TENM2: variants seen among roughly 807,000 people sequenced by gnomAD.
TENM2 encodes the protein teneurin transmembrane protein 2.
In TENM2, 52 loss-of-function variants were observed where a neutral mutation model predicts 245.2. The ratio of observed to expected loss-of-function variants is 0.21; its 90% confidence interval spans 0.17 to 0.27. The LOEUF (loss-of-function observed/expected upper bound fraction) is 0.27. TENM2 is among the 10% of genes least tolerant of loss of function. The probability of loss-of-function intolerance (pLI) is 1.00; values close to 1 mark genes in which losing one functional copy is unlikely to be tolerated. For missense variants in TENM2, 3,046 were observed against 3,666.8 expected (o/e 0.83, Z 4.37); for synonymous variants, 1,363 against 1,438.9 (o/e 0.95, Z 1.19).
At chr5:167,331,882 A>T (rs1206340106) in intron 1 of TENM2, among the ~76,000 whole-genome samples, 1 of 152,162 alleles carries the variant, frequency 6.6e-6, no homozygotes, top group African/African-American at 2.4e-5. Flanking sequence ...TCACAATGTA[A>T]AATTGAGGGG....
At chr5:167,009,456 T>C in the TENM2 span, among the ~76,000 whole-genome samples, 1 of 152,244 alleles carries the variant, frequency 6.6e-6, no homozygotes, top group Non-Finnish European at 1.5e-5. Flanking sequence ...CAGGCTTTTG[T>C]GAAATACACC....
intron 9 of TENM2, 118 bp from the exon 12 acceptor site, chr5:168,118,174 C>A (rs1370494023): frequency 2.7e-6 from 2 of 743,766 alleles, no homozygotes; most frequent in African/African-American, 3.5e-5. Flanking sequence ...GCCAGAGTCC[C>A]CAGCCTAGAA....
At chr5:167,380,453 T>C (rs934389462) in intron 2 of TENM2, among the ~76,000 whole-genome samples, 2 of 152,174 alleles carry the variant, frequency 1.3e-5, no homozygotes, top group Non-Finnish European at 2.9e-5. Context: ...ACAGAGTACT[T>C]CAAGGAGCGT....
At position 167,352,490 on chromosome 5, in the gene TENM2, G is replaced by A. The variant is rs115626272; in HGVS notation, c.227-22708G>A. Among the ~76,000 whole-genome samples, 436 of 152,260 alleles carry A rather than the reference G, an allele frequency of 2.9e-3. 3 individuals are homozygous for A. Among genetic ancestry groups the A allele is most frequent in the African/African-American group, 0.01 (417 of 41,540 alleles). On this transcript the variant is annotated intron_variant, in intron 1 of 28. Transcript: ENST00000518659. ...TTTTGCATAGAAAGTTTTGCCACGT[G>A]ATCCTCCCCTTTTTGGAAGACATTT...
chr5:168,248,164 A>C, exon 27 of TENM2: 2 of 1,614,012 alleles, frequency 1.2e-6, no homozygotes, highest in Non-Finnish European at 8.5e-7. Flanking sequence ...CCAGATGGTC[A>C]TTGGCTTCCA....
intron 2 of TENM2, among the ~76,000 whole-genome samples, chr5:167,819,753 G>A (rs1767355434): frequency 6.6e-6 from 1 of 152,170 alleles, no homozygotes; most frequent in Non-Finnish European, 1.5e-5. Context: ...GCAACTTGGA[G>A]AACTGTTCAT....
chr5:167,279,663 T>C, the TENM2 span, among the ~76,000 whole-genome samples: 5 of 152,204 alleles, frequency 3.3e-5, no homozygotes, highest in African/African-American at 1.2e-4. Context: ...GTTAAGTCAA[T>C]CTACCATCTA....
At chr5:167,651,821 G>A (rs1226243520) in intron 2 of TENM2, among the ~76,000 whole-genome samples, 2 of 152,108 alleles carry the variant, frequency 1.3e-5, no homozygotes, top group South Asian at 2.1e-4. Flanking sequence ...TAGCTTCCAA[G>A]TTCTTACCTA....
chr5:167,368,594 G>A (rs1047740941), intron 1 of TENM2, among the ~76,000 whole-genome samples: 16 of 151,988 alleles, frequency 1.1e-4, no homozygotes, highest in African/African-American at 3.4e-4. Context: ...ACCCTGGATC[G>A]TATTTAAATC....
the TENM2 span, among the ~76,000 whole-genome samples, chr5:167,266,132 C>T: frequency 1.3e-5 from 2 of 152,128 alleles, no homozygotes; most frequent in South Asian, 2.1e-4. Flanking sequence ...CTTCTTTCGG[C>T]GTCTCTTTAT....
rs141834333 is a variant in TENM2 at position 167,510,184 on chromosome 5, G to A, written c.502+134711G>A. ...CTGAAATATAAAATGTACTGGCTTG[G>A]TTTGGAATGTGGCTGTATTCATGCA... On this transcript the variant is annotated intron_variant, in intron 2 of 28. Transcript: ENST00000518659. Among the ~76,000 whole-genome samples the A allele has an allele frequency of 8.1e-4, 123 of 152,274 alleles. 1 individual carries two copies. The East Asian group carries it at 0.019, about 24-fold the overall frequency.
the TENM2 span, among the ~76,000 whole-genome samples, chr5:167,191,460 G>A: frequency 1.3e-5 from 2 of 152,076 alleles, no homozygotes; most frequent in Non-Finnish European, 2.9e-5. Context: ...TCAGGGAGCC[G>A]CTAAGATCTC....
At chr5:168,126,315 T>C (rs866981526) in intron 11 of TENM2, among the ~76,000 whole-genome samples, 1 of 152,158 alleles carries the variant, frequency 6.6e-6, no homozygotes, top group Non-Finnish European at 1.5e-5. Context: ...GATCCGTACA[T>C]GGATCTTTTC....
intron 2 of TENM2, among the ~76,000 whole-genome samples, chr5:167,677,461 G>A (rs1756409228): frequency 6.6e-6 from 1 of 150,810 alleles, no homozygotes; most frequent in Non-Finnish European, 1.5e-5. Context: ...TCTCTTGGTT[G>A]GTAGGCAAAT....
intron 3 of TENM2, among the ~76,000 whole-genome samples, chr5:167,915,253 A>C (rs993848404): frequency 6.6e-6 from 1 of 152,156 alleles, no homozygotes; most frequent in Admixed American, 6.5e-5. Context: ...CAAATGACAC[A>C]TGCAGCACAG....
chr5:168,057,468 A>C (rs1014730678), intron 6 of TENM2, among the ~76,000 whole-genome samples: 1 of 152,178 alleles, frequency 6.6e-6, no homozygotes, highest in African/African-American at 2.4e-5. Context: ...AGATATGGAC[A>C]TTGAGACTTT....
chr5:167,037,067 C>G, the TENM2 span, among the ~76,000 whole-genome samples: 2 of 152,212 alleles, frequency 1.3e-5, no homozygotes, highest in African/African-American at 2.4e-5. Context: ...TTTCAACAAA[C>G]TATCTCTCCT....
chr5:168,082,372 C>T (rs933063145), intron 7 of TENM2, among the ~76,000 whole-genome samples: 4 of 152,104 alleles, frequency 2.6e-5, no homozygotes, highest in Admixed American at 1.3e-4. Flanking sequence ...GCGATGGGTT[C>T]GAACATCCTC....
chr5:168,167,913 A>T (rs183041598), intron 13 of TENM2, among the ~76,000 whole-genome samples: 121 of 152,344 alleles, frequency 7.9e-4, no homozygotes, highest in African/African-American at 2.5e-3. Flanking sequence ...TGGCTCATAG[A>T]TGCCCTCACA....
Sources: allele counts gnomAD v4.1 joint callset (sites outside exome capture counted in the v4.1 genomes callset), GRCh38; gene constraint gnomAD v4.1.1; transcripts MANE v1.5; gene names NCBI Gene and HGNC (gene_info 2026-07-23, HGNC 2026-07-21).